Variants in FMNL2 observed in about 807,000 individuals in gnomAD.
The protein encoded by FMNL2 is formin like 2.
In FMNL2, 51 loss-of-function variants were observed where a neutral mutation model predicts 130.2. The ratio of observed to expected loss-of-function variants is 0.39; its 90% CI spans 0.31 to 0.49. The LOEUF is 0.49. Among genes scored for constraint, FMNL2 ranks in the 20% least tolerant of loss-of-function variants. The pLI is 0.85. For synonymous variants in FMNL2, 465 were observed against 467.1 expected (o/e 1.00, Z 0.06); for missense variants, 977 against 1,316.2 (o/e 0.74, Z 3.99).
intron 9 of FMNL2, among the ~76,000 whole-genome samples, chr2:152,589,981 A>ATGTATATG (rs1174507707): frequency 0.043 from 1,818 of 41,998 alleles, 12 homozygotes; most frequent in East Asian, 0.051. Flanking sequence ...ATATATATAT[A>ATGTATATG]TATGTATATG....
chr2:152,389,658 G>A (rs1332957997), intron 1 of FMNL2, among the ~76,000 whole-genome samples: 2 of 152,244 alleles, frequency 1.3e-5, no homozygotes, highest in South Asian at 2.1e-4. Flanking sequence ...ACCTCAGGAC[G>A]TGGATCCGAG....
At chr2:152,591,032 C>T (rs1697410170) in intron 9 of FMNL2, among the ~76,000 whole-genome samples, 1 of 91,604 alleles carries the variant, frequency 1.1e-5, no homozygotes, top group Non-Finnish European at 2.2e-5. Context: ...TTTGAGACAG[C>T]ATCTCACTCT....
intron 1 of FMNL2, among the ~76,000 whole-genome samples, chr2:152,504,241 A>C (rs1253485991): frequency 6.7e-6 from 1 of 150,120 alleles, no homozygotes; most frequent in Non-Finnish European, 1.5e-5. Flanking sequence ...GATGACTCCT[A>C]CCCACATGCA....
At chr2:152,427,954 T>A (rs991937791) in intron 1 of FMNL2, among the ~76,000 whole-genome samples, 1 of 152,206 alleles carries the variant, frequency 6.6e-6, no homozygotes, top group East Asian at 1.9e-4. Context: ...CAACATAGGA[T>A]TACATTCAGT....
intron 1 of FMNL2, among the ~76,000 whole-genome samples, chr2:152,466,906 C>T (rs915095548): frequency 3.9e-5 from 6 of 152,142 alleles, no homozygotes; most frequent in South Asian, 2.1e-4. Context: ...TGTTCTAAGG[C>T]TTGCCGCTTC....
Position 152,558,837 on chromosome 2 carries a change from G to C in FMNL2, c.443+14G>C. ...GTACGCGGTAACGTAAGTAAAACTT[G>C]GCTTGCTTGCATTTGAATTTTATGT... On this transcript the variant is annotated intron_variant, in intron 5 of 25. Coordinates refer to ENST00000288670, the MANE Select transcript of FMNL2 (RefSeq NM_052905.4). The C allele has an allele frequency of 1.2e-6, 2 of 1,610,492 alleles. No homozygotes were observed. Among genetic ancestry groups the C allele is most frequent in the Non-Finnish European group, 8.5e-7 (1 of 1,178,106 alleles).
chr2:152,564,636 G>A (rs535621434), intron 6 of FMNL2, among the ~76,000 whole-genome samples: 2 of 152,172 alleles, frequency 1.3e-5, no homozygotes, highest in East Asian at 3.9e-4. Context: ...GAGAGGCTGA[G>A]GCATGAGAAT....
chr2:152,501,627 A>T (rs937359078), intron 1 of FMNL2, among the ~76,000 whole-genome samples: 4 of 152,174 alleles, frequency 2.6e-5, no homozygotes, highest in African/African-American at 9.7e-5. Context: ...TTTACACAGA[A>T]GGGAGCAAAG....
At chr2:152,437,471 C>G (rs1006157515) in intron 1 of FMNL2, among the ~76,000 whole-genome samples, 1 of 152,110 alleles carries the variant, frequency 6.6e-6, no homozygotes, top group Non-Finnish European at 1.5e-5. Flanking sequence ...AATAATGCAC[C>G]CCCCCTGCGG....
At chr2:152,438,778 G>A (rs1253011119) in intron 1 of FMNL2, among the ~76,000 whole-genome samples, 1 of 152,176 alleles carries the variant, frequency 6.6e-6, no homozygotes, top group African/African-American at 2.4e-5. Flanking sequence ...TGCAGTCATA[G>A]CGTCAGGGGG....
chr2:152,574,225 C>G (rs1696338288), intron 6 of FMNL2, among the ~76,000 whole-genome samples: 1 of 152,128 alleles, frequency 6.6e-6, no homozygotes, highest in African/African-American at 2.4e-5. Flanking sequence ...ATCACGAGAT[C>G]AAGAGATGGA....
At position 152,629,255 on chromosome 2, in the gene FMNL2, T is replaced by C. The variant is rs530386484; in HGVS notation, c.2401-401T>C. Among the ~76,000 whole-genome samples, 277 of 152,278 alleles carry C rather than the reference T, an allele frequency of 1.8e-3. 2 individuals carry two copies. Among genetic ancestry groups the C allele is most frequent in the African/African-American group, 6.4e-3 (264 of 41,564 alleles). ...TGGAGGGTGTTATATTCCCCTCCCT[T>C]TTTTTTCATTTTTGATGCCTCCTTC... On this transcript the variant is annotated intron_variant, in intron 18 of 25. Transcript: ENST00000288670.
At chr2:152,484,289 C>A (rs1160526861) in intron 1 of FMNL2, among the ~76,000 whole-genome samples, 1 of 151,986 alleles carries the variant, frequency 6.6e-6, no homozygotes, top group Non-Finnish European at 1.5e-5. Flanking sequence ...TTTTTTCTTG[C>A]TTACATAATT....
chr2:152,461,878 C>T (rs1689267984), intron 1 of FMNL2, among the ~76,000 whole-genome samples: 1 of 152,034 alleles, frequency 6.6e-6, no homozygotes, highest in Non-Finnish European at 1.5e-5. Context: ...AAGGTAGTCA[C>T]TAGCCCTACA....
chr2:152,478,757 A>C (rs1198883966), intron 1 of FMNL2, among the ~76,000 whole-genome samples: 1 of 152,208 alleles, frequency 6.6e-6, no homozygotes, highest in Non-Finnish European at 1.5e-5. Flanking sequence ...AGGAAGGTTC[A>C]GTGAGTATAA....
chr2:152,641,006 G>A, intron 25 of FMNL2, 92 bp downstream of exon 25: 1 of 1,545,550 alleles, frequency 6.5e-7, no homozygotes, highest in Non-Finnish European at 8.8e-7. Flanking sequence ...CTTTTGTCCA[G>A]GGTTGTCAAG....
intron 1 of FMNL2, among the ~76,000 whole-genome samples, chr2:152,355,415 C>T (rs539390239): frequency 6.6e-6 from 1 of 152,312 alleles, no homozygotes; most frequent in South Asian, 2.1e-4. Context: ...TTCGTCTTGT[C>T]TTGGTTTCCA....
At chr2:152,640,196 A>C in intron 24 of FMNL2, 140 bp downstream of exon 24, 3 of 644,476 alleles carry the variant, frequency 4.7e-6, no homozygotes, top group Non-Finnish European at 7.9e-6. Context: ...CACTTGGCAA[A>C]TGGAAATATG....
chr2:152,337,322 ACCTCCTGGCTCTGGCTTTTTTT>A (rs1469021321), intron 1 of FMNL2, among the ~76,000 whole-genome samples: 5 of 150,162 alleles, frequency 3.3e-5, no homozygotes, highest in South Asian at 2.1e-4. Context: ...TATGGTTCTT[ACCTCCTGGCTCTGGCTTTTTTT>A]CCTCCTGGCT....
Sources: allele counts gnomAD v4.1 joint callset (sites outside exome capture counted in the v4.1 genomes callset), GRCh38; gene constraint gnomAD v4.1.1; transcripts MANE v1.5; gene names NCBI Gene and HGNC (gene_info 2026-07-23, HGNC 2026-07-21).